The following SREBF1 variants were observed in gnomAD, a reference collection of about 807,000 sequenced individuals.
The protein encoded by SREBF1 is sterol regulatory element binding transcription factor 1, also known as sterol regulatory element-binding protein 1.
SREBF1 carries 45 observed loss-of-function variants against 100.1 expected under a neutral mutation model. The ratio of observed to expected loss-of-function variants is 0.45; its 90% CI spans 0.35 to 0.58. The LOEUF (loss-of-function observed/expected upper bound fraction) is 0.58, where lower values mean the gene tolerates loss of function less well. Ranked by LOEUF, SREBF1 falls within the 20% of genes least tolerant of loss-of-function variation. SREBF1 has a pLI of 0.00. For missense variants in SREBF1, 1,324 were observed against 1,539.4 expected (o/e 0.86, Z 2.34); for synonymous variants, 657 against 681.8 (o/e 0.96, Z 0.57).
At chr17:17,834,929 G>A (rs1220383190) in intron 1 of SREBF1, among the ~76,000 whole-genome samples, 1 of 152,164 alleles carries the variant, frequency 6.6e-6, no homozygotes, top group Admixed American at 6.5e-5. Context: ...CAGGAGAATG[G>A]CGTGAACCCA....
Position 17,814,817 on chromosome 17 carries a change from C to T in SREBF1, c.2602+18G>A. On this transcript the variant is annotated intron_variant, in intron 14 of 18. Coordinates refer to ENST00000261646, the MANE Select transcript of SREBF1 (RefSeq NM_004176.5). ...GGGGGAGCTGAGAAGGGAGCCAGGA[C>T]AGGGGCCGGGGACTCACCGGTGGTG... The T allele has an allele frequency of 3.7e-6, 6 of 1,604,070 alleles. No homozygotes were observed. In the South Asian group the frequency reaches 4.5e-5, roughly 12 times the overall value.
chr17:17,811,860 C>T lies in SREBF1; in HGVS notation c.*762G>A, dbSNP rs1487345046. Reference sequence around the variant, plus strand: ...GCCCTAAGGGTTGACACAGCCCAACCATGTGCCCTGGGAGCAGGGGGAACA... The same window carrying T: ...GCCCTAAGGGTTGACACAGCCCAACTATGTGCCCTGGGAGCAGGGGGAACA... On this transcript the variant is annotated 3_prime_UTR_variant, in exon 19 of 19. Coordinates refer to ENST00000261646, the MANE Select transcript of SREBF1 (RefSeq NM_004176.5). 3 of 439,334 alleles carry T rather than the reference C, an allele frequency of 6.8e-6. No homozygotes were observed. Among genetic ancestry groups the T allele is most frequent in the Non-Finnish European group, 1.4e-5 (3 of 219,226 alleles). The allele number at this position is 439,334 out of a possible 1,614,324, so 27.2% of individuals were successfully genotyped here. A position where few individuals can be genotyped will look rare whatever the true frequency, so the allele number is the denominator to read the frequency against.
intron 16 of SREBF1, 166 bp downstream of exon 16, chr17:17,814,079 T>A: frequency 1.2e-6 from 1 of 820,650 alleles, no homozygotes; most frequent in Admixed American, 2.3e-5. Flanking sequence ...ACCCCTCTCC[T>A]CTGGACAGAA....
intron 1 of SREBF1, among the ~76,000 whole-genome samples, chr17:17,835,327 C>T (rs1221000389): frequency 1.3e-5 from 2 of 152,128 alleles, no homozygotes; most frequent in Non-Finnish European, 2.9e-5. Flanking sequence ...GACAACCCCT[C>T]GTGCCAGGGA....
chr17:17,829,205 A>AAATATATATATATATATATAT (rs1210718799), intron 1 of SREBF1, among the ~76,000 whole-genome samples: 1 of 65,874 alleles, frequency 1.5e-5, no homozygotes, highest in African/African-American at 8.8e-5. Context: ...AAAAAAAAAA[A>AAATATATATATATATATATAT]ATATATATAT....
chr17:17,816,188 A>ACCCCCCCCACCCCCCCACCCCC lies in SREBF1; in HGVS notation c.2214+18_2214+19insGGGGGTGGGGGGGTGGGGGGGG. 1.3e-6 allele frequency: 1 copy of ACCCCCCCCACCCCCCCACCCCC among 789,262 alleles called. No individual in the cohort carries two copies. The highest frequency in any genetic ancestry group is 1.7e-6 in the Non-Finnish European group (1 of 602,612). The allele number at this position is 789,262 out of a possible 1,614,324, so 48.9% of individuals were successfully genotyped here. On this transcript the variant is annotated intron_variant, in intron 11 of 18. Coordinates refer to ENST00000261646, the MANE Select transcript of SREBF1 (RefSeq NM_004176.5). ...GAGAGAGCTGCAGGGATAAGCCCCC[A>ACCCCCCCCACCCCCCCACCCCC]GCCCCCCAACCCACTCACTGTCAGA... is the stretch of plus-strand genomic sequence containing the variant.
intron 1 of SREBF1, among the ~76,000 whole-genome samples, chr17:17,835,739 T>C (rs2035183122): frequency 6.6e-6 from 1 of 152,234 alleles, no homozygotes; most frequent in Admixed American, 6.5e-5. Flanking sequence ...TGGCACTTGG[T>C]GCCACCATTG....
intron 4 of SREBF1, 35 bp from the exon 5 acceptor site, chr17:17,819,269 G>A (rs753449443): frequency 6.9e-7 from 1 of 1,439,644 alleles, no homozygotes; most frequent in South Asian, 1.2e-5. Flanking sequence ...AGGTGGGCAT[G>A]TGTGTGTGTG....
chr17:17,815,615 G>A (rs1037043761), intron 12 of SREBF1: 7 of 601,306 alleles, frequency 1.2e-5, no homozygotes, highest in African/African-American at 9.3e-5. Flanking sequence ...ACTCCACAGC[G>A]GCACTGCCTG....
Position 17,812,196 on chromosome 17 carries a change from A to G in SREBF1, c.*426T>C, listed in dbSNP as rs1598105928. 1 of 421,434 alleles carries G rather than the reference A, an allele frequency of 2.4e-6. No homozygotes were observed. Among genetic ancestry groups the G allele is most frequent in the Non-Finnish European group, 4.4e-6 (1 of 225,194 alleles). The allele number at this position is 421,434 out of a possible 1,614,324, so 26.1% of individuals were successfully genotyped here. ...CAGGAGGCTAAGCACGCTGACCTACACTATGTACACGTCTCTCTCCCACGA... is the reference window on the plus strand; with the variant it reads ...CAGGAGGCTAAGCACGCTGACCTACGCTATGTACACGTCTCTCTCCCACGA... On this transcript the variant is annotated 3_prime_UTR_variant, in exon 19 of 19. Coordinates refer to ENST00000261646, the MANE Select transcript of SREBF1 (RefSeq NM_004176.5).
chr17:17,812,866 A>T lies in SREBF1; in HGVS notation c.3215-15T>A. The T allele has an allele frequency of 6.8e-7, 1 of 1,472,842 alleles. No homozygotes were observed. The highest frequency in any genetic ancestry group is 8.9e-7 in the Non-Finnish European group (1 of 1,120,752). The allele number at this position is 1,472,842 out of a possible 1,614,324, so 91.2% of individuals were successfully genotyped here. A position where few individuals can be genotyped will look rare whatever the true frequency, so the allele number is the denominator to read the frequency against. Reference sequence around the variant, plus strand: ...CGCCACCGCGCCTGCGCACACGAGGATGTGTCAGGGATGGGTCTCAAGCTG... The same window carrying T: ...CGCCACCGCGCCTGCGCACACGAGGTTGTGTCAGGGATGGGTCTCAAGCTG... On this transcript the variant is annotated splice_polypyrimidine_tract_variant and intron_variant, in intron 18 of 18. Coordinates refer to ENST00000261646, the MANE Select transcript of SREBF1 (RefSeq NM_004176.5).
chr17:17,816,183 C>T lies in SREBF1; in HGVS notation c.2214+24G>A, dbSNP rs762148202. On this transcript the variant is annotated intron_variant, in intron 11 of 18. Transcript: ENST00000261646. ...CTCTGGAGAGAGCTGCAGGGATAAGCCCCCAGCCCCCCAACCCACTCACTG... is the reference window on the plus strand; with the variant it reads ...CTCTGGAGAGAGCTGCAGGGATAAGTCCCCAGCCCCCCAACCCACTCACTG... 13 of 1,251,432 alleles carry T rather than the reference C, an allele frequency of 1.0e-5. No individual in the cohort carries two copies. In the East Asian group the frequency reaches 3.4e-4, roughly 33 times the overall value. 77.5% of individuals were successfully genotyped at this position (1,251,432 alleles called of 1,614,324 possible). A position where few individuals can be genotyped will look rare whatever the true frequency, so the allele number is the denominator to read the frequency against.
At chr17:17,823,699 CCGCCTG>C in intron 1 of SREBF1, 1 of 760,572 alleles carries the variant, frequency 1.3e-6, no homozygotes, top group South Asian at 3.4e-5. Flanking sequence ...CAGCCCCGCC[CCGCCTG>C]CAGGTCCCGC....
In SREBF1 at chr17:17,818,321, T is replaced by G. The variant is rs768437611; in HGVS notation, c.1122A>C (p.Gln374His). ...CCTGCTTGAGTTTCTGGTTGCTGTG[T>G]TGCAGAAAGCGAATGTAGTCGATGG... ...RKAIDYIRFL[Q>H]HSNQKLKQEN... The change falls in exon 6 of 19, where the codon CAA (glutamine) becomes CAC (histidine). Residue 374 changes from glutamine to histidine, a missense_variant. Coordinates refer to ENST00000261646, the MANE Select transcript of SREBF1 (RefSeq NM_004176.5). 2 of 1,613,930 alleles carry G rather than the reference T, an allele frequency of 1.2e-6. No individual in the cohort carries two copies. The highest frequency in any genetic ancestry group is 3.4e-4 in the Middle Eastern group (2 of 5,954).
chr17:17,820,616 C>A, intron 1 of SREBF1, 95 bp from the exon 2 acceptor site: 1 of 1,336,590 alleles, frequency 7.5e-7, no homozygotes, highest in Non-Finnish European at 1.0e-6. Flanking sequence ...TTGCACAACC[C>A]TTGTTGGCAC....
At chr17:17,823,498 G>A (rs1272552625) in intron 1 of SREBF1, 3 of 1,574,414 alleles carry the variant, frequency 1.9e-6, no homozygotes, top group Non-Finnish European at 2.6e-6. Context: ...AAGGGCTGGT[G>A]GGGAGGCCTC....
Position 17,815,993 on chromosome 17 carries a change from CAGGCAGGCCTGGCGG to C in SREBF1, c.2235_2249del (p.Arg746_Leu750del), listed in dbSNP as rs1230787378. ...CAGGAGGCACTGAGCCACTCTGTGCCAGGCAGGCCTGGCGGGCACTGCTCAGGAAGAAGCGCTGTA... is the reference window on the plus strand; with the variant it reads ...CAGGAGGCACTGAGCCACTCTGTGCCGCACTGCTCAGGAAGAAGCGCTGTA... On this transcript the variant is annotated inframe_deletion, in exon 12 of 19. Coordinates refer to ENST00000261646, the MANE Select transcript of SREBF1 (RefSeq NM_004176.5). 6.2e-7 allele frequency: 1 copy of C among 1,612,654 alleles called. No individual in the cohort carries two copies. Among genetic ancestry groups the C allele is most frequent in the Non-Finnish European group, 8.5e-7 (1 of 1,179,904 alleles).
chr17:17,834,553 C>A (rs1431000166), intron 1 of SREBF1, among the ~76,000 whole-genome samples: 2 of 152,238 alleles, frequency 1.3e-5, no homozygotes, highest in African/African-American at 4.8e-5. Context: ...GAAGGGGCTG[C>A]CCCCAGTCTT....
intron 11 of SREBF1, 66 bp downstream of exon 11, chr17:17,816,141 G>T: frequency 9.4e-7 from 1 of 1,059,382 alleles, no homozygotes; most frequent in South Asian, 1.7e-5. Flanking sequence ...ATCCCGTGTA[G>T]CTCTTACCCA....
Sources: gnomAD v4.1 joint callset for allele counts (sites outside exome capture counted in the v4.1 genomes callset) on GRCh38, gnomAD v4.1.1 for gene constraint, MANE v1.5 for transcripts, NCBI Gene and HGNC (gene_info 2026-07-23, HGNC 2026-07-21) for gene names.